Variants in GLIS3 observed in about 807,000 individuals in gnomAD.
The protein encoded by GLIS3 is GLIS family zinc finger 3.
A neutral mutation model predicts 78.6 loss-of-function variants in GLIS3; 53 were observed. The ratio of observed to expected loss-of-function variants is 0.67; its 90% CI spans 0.54 to 0.85. The LOEUF is 0.85. Among genes scored for constraint, GLIS3 ranks in the 40% least tolerant of loss-of-function variants. The probability of loss-of-function intolerance (pLI) is 0.00; values close to 1 mark genes in which losing one functional copy is unlikely to be tolerated. For synonymous variants in GLIS3, 684 were observed against 509.9 expected (o/e 1.34, Z -4.60); for missense variants, 1,703 against 1,231.1 (o/e 1.38, Z -5.74).
intron 1 of GLIS3, among the ~76,000 whole-genome samples, chr9:4,291,767 A>G (rs1816002180): frequency 6.6e-6 from 1 of 152,174 alleles, no homozygotes; most frequent in South Asian, 2.1e-4. Context: ...ACCTTCAGGA[A>G]TACACCGCTC....
chr9:3,855,555 C>A (rs967276001), intron 9 of GLIS3: 1 of 235,056 alleles, frequency 4.3e-6, no homozygotes, highest in East Asian at 1.1e-4. Context: ...GAGATGACAT[C>A]AGCTGGGGGA....
At chr9:3,859,086 G>GT (rs969207962) in intron 8 of GLIS3, among the ~76,000 whole-genome samples, 3 of 152,146 alleles carry the variant, frequency 2.0e-5, no homozygotes, top group African/African-American at 7.2e-5. Context: ...CCTGTTTGAG[G>GT]TAAGGTCCCT....
At chr9:4,158,574 T>A (rs73396406) in intron 2 of GLIS3, among the ~76,000 whole-genome samples, 2,506 of 152,342 alleles carry the variant, frequency 0.016, 72 homozygotes, top group African/African-American at 0.058. Context: ...GTTGTCAGAC[T>A]TTTCCTCATT....
intron 2 of GLIS3, among the ~76,000 whole-genome samples, chr9:4,177,052 T>C (rs1042195069): frequency 1.1e-4 from 17 of 152,234 alleles, no homozygotes; most frequent in Non-Finnish European, 2.2e-4. Context: ...ATTTACACCA[T>C]CATTACCAAT....
upstream of GLIS3, among the ~76,000 whole-genome samples, chr9:4,351,892 G>T (rs78101767): frequency 0.03 from 4,582 of 152,230 alleles, 258 homozygotes; most frequent in African/African-American, 0.1. Flanking sequence ...ACAGGATTCT[G>T]AATCTGGAGA....
intron 4 of GLIS3, among the ~76,000 whole-genome samples, chr9:4,037,108 A>C (rs1429378738): frequency 6.6e-6 from 1 of 152,220 alleles, no homozygotes; most frequent in Non-Finnish European, 1.5e-5. Flanking sequence ...TGAAAATGGG[A>C]ATAGCTTTAC....
intron 2 of GLIS3, among the ~76,000 whole-genome samples, chr9:4,329,235 C>T (rs1027474960): frequency 6.6e-5 from 10 of 152,082 alleles, no homozygotes; most frequent in African/African-American, 2.4e-4. Context: ...TCCACGACCC[C>T]CAGGCCTGCA....
At chr9:3,981,782 A>G (rs1018149883) in intron 4 of GLIS3, among the ~76,000 whole-genome samples, 5 of 152,148 alleles carry the variant, frequency 3.3e-5, no homozygotes, top group Non-Finnish European at 5.9e-5. Context: ...GACCTCTTGT[A>G]GCATATAACC....
At chr9:4,083,515 T>C (rs1828733491) in intron 4 of GLIS3, among the ~76,000 whole-genome samples, 2 of 152,214 alleles carry the variant, frequency 1.3e-5, no homozygotes, top group South Asian at 4.1e-4. Flanking sequence ...TCCCATTCTA[T>C]GGGTAAAAAT....
At position 3,879,074 on chromosome 9, in the gene GLIS3, G is replaced by C. The variant is rs190803662; in HGVS notation, c.2297+353C>G. ...AACAATACTGATTTATGTGGCGAGGGCACCATCTGACATCGGGAAGTGCTT... is the reference window on the plus strand; with the variant it reads ...AACAATACTGATTTATGTGGCGAGGCCACCATCTGACATCGGGAAGTGCTT... On this transcript the variant is annotated intron_variant, in intron 8 of 10. Coordinates refer to ENST00000381971, the MANE Select transcript of GLIS3 (RefSeq NM_001042413.2). Among the ~76,000 whole-genome samples, 498 of 152,170 alleles carry C rather than the reference G, an allele frequency of 3.3e-3. 3 individuals are homozygous for C. The highest frequency in any genetic ancestry group is 0.012 in the African/African-American group (485 of 41,488).
At chr9:4,357,670 A>G in the GLIS3 span, among the ~76,000 whole-genome samples, 1 of 152,074 alleles carries the variant, frequency 6.6e-6, no homozygotes, top group Admixed American at 6.6e-5. Flanking sequence ...ACATCATTCA[A>G]CTTTCAACTT....
intron 4 of GLIS3, among the ~76,000 whole-genome samples, chr9:3,954,066 TTAACAC>T: frequency 6.6e-6 from 1 of 152,344 alleles, no homozygotes; most frequent in Admixed American, 6.5e-5. Context: ...ACACATATAT[TTAACAC>T]TAATCTGTTC....
At chr9:4,289,679 G>C (rs1483118858) in intron 1 of GLIS3, among the ~76,000 whole-genome samples, 3 of 151,920 alleles carry the variant, frequency 2.0e-5, no homozygotes, top group South Asian at 2.1e-4. Context: ...AAAGAAACAA[G>C]AAAAAGAAAA....
At chr9:3,967,278 C>T (rs1220843583) in intron 4 of GLIS3, among the ~76,000 whole-genome samples, 3 of 152,104 alleles carry the variant, frequency 2.0e-5, no homozygotes, top group African/African-American at 7.2e-5. Flanking sequence ...CCGAGGCGGG[C>T]AGATCACCTA....
intron 2 of GLIS3, among the ~76,000 whole-genome samples, chr9:4,277,143 G>A (rs1241114398): frequency 6.6e-6 from 1 of 152,172 alleles, no homozygotes; most frequent in Non-Finnish European, 1.5e-5. Flanking sequence ...TAACATGGCT[G>A]CATTCAACAC....
chr9:4,110,688 T>C (rs1831136799), intron 4 of GLIS3, among the ~76,000 whole-genome samples: 1 of 152,174 alleles, frequency 6.6e-6, no homozygotes, highest in Non-Finnish European at 1.5e-5. Flanking sequence ...ACTCAGGCTC[T>C]GGGCTAGCCA....
At chr9:4,079,773 C>A (rs1056888155) in intron 4 of GLIS3, among the ~76,000 whole-genome samples, 1 of 150,740 alleles carries the variant, frequency 6.6e-6, no homozygotes, top group Non-Finnish European at 1.5e-5. Flanking sequence ...AAAAGAAAAC[C>A]TACCTGAAAC....
At chr9:4,147,017 T>C (rs1834273517) in intron 2 of GLIS3, among the ~76,000 whole-genome samples, 1 of 152,230 alleles carries the variant, frequency 6.6e-6, no homozygotes, top group South Asian at 2.1e-4. Flanking sequence ...TTTCACCGTA[T>C]GCCTCTAATT....
chr9:3,832,052 C>T (rs1216928596), intron 9 of GLIS3, among the ~76,000 whole-genome samples: 1 of 151,782 alleles, frequency 6.6e-6, no homozygotes, highest in Non-Finnish European at 1.5e-5. Flanking sequence ...AACTACTTAC[C>T]AACTGTGTAG....
Sources: gnomAD v4.1 joint callset for allele counts (sites outside exome capture counted in the v4.1 genomes callset) on GRCh38, gnomAD v4.1.1 for gene constraint, MANE v1.5 for transcripts, NCBI Gene and HGNC (gene_info 2026-07-23, HGNC 2026-07-21) for gene names.